Variants in RAB3IP observed in about 807,000 individuals in gnomAD.
RAB3IP encodes RAB3A interacting protein.
A neutral mutation model predicts 59.1 loss-of-function variants in RAB3IP; 36 were observed. The observed-to-expected ratio is 0.61, with a 90% CI of 0.47 to 0.80. The LOEUF (loss-of-function observed/expected upper bound fraction) is 0.80, where lower values mean the gene tolerates loss of function less well. RAB3IP is among the 30% of genes least tolerant of loss of function. The pLI, the probability that RAB3IP is intolerant of heterozygous loss-of-function variation, is 0.00. For synonymous variants in RAB3IP, 207 were observed against 191.2 expected, an observed-to-expected ratio of 1.08 and a Z score of -0.68; for missense variants, 511 against 536.0, an observed-to-expected ratio of 0.95 and a Z score of 0.46.
intron 3 of RAB3IP, among the ~76,000 whole-genome samples, chr12:69,772,198 A>G (rs919610325): frequency 1.3e-5 from 2 of 152,010 alleles, no homozygotes; most frequent in African/African-American, 4.8e-5. Flanking sequence ...TTTTGGCTTA[A>G]AGTCTGTTTT....
chr12:69,772,675 T>A (rs1344014669), intron 3 of RAB3IP, among the ~76,000 whole-genome samples: 1 of 152,242 alleles, frequency 6.6e-6, no homozygotes, highest in Non-Finnish European at 1.5e-5. Flanking sequence ...AAAGAAAACG[T>A]ACACTGTAAC....
chr12:69,796,305 T>C (rs868503403), intron 6 of RAB3IP: 8 of 163,692 alleles, frequency 4.9e-5, no homozygotes, highest in Non-Finnish European at 9.3e-5. Flanking sequence ...TGTCTCAAAA[T>C]CATAATAATA....
chr12:69,739,808 T>G, intron 1 of RAB3IP: 1 of 1,613,738 alleles, frequency 6.2e-7, no homozygotes, highest in Non-Finnish European at 8.5e-7. Flanking sequence ...GTGATGATGC[T>G]GGGTGGAAGT....
chr12:69,781,920 G>A (rs1223287908), intron 3 of RAB3IP, among the ~76,000 whole-genome samples: 1 of 152,242 alleles, frequency 6.6e-6, no homozygotes, highest in East Asian at 1.9e-4. Context: ...CATGATAAGA[G>A]TATGGTTAGC....
chr12:69,772,081 G>A (rs1226805536), intron 3 of RAB3IP, among the ~76,000 whole-genome samples: 1 of 152,016 alleles, frequency 6.6e-6, no homozygotes, highest in Admixed American at 6.6e-5. Flanking sequence ...ATCCTTTTAT[G>A]TCTATTAATA....
At chr12:69,775,359 C>T (rs928017112) in intron 3 of RAB3IP, among the ~76,000 whole-genome samples, 1 of 141,898 alleles carries the variant, frequency 7.0e-6, no homozygotes, top group Non-Finnish European at 1.5e-5. Context: ...CATCTGCAAA[C>T]AGGGACAATT....
At chr12:69,751,813 A>G (rs1170509299) in intron 1 of RAB3IP, among the ~76,000 whole-genome samples, 1 of 152,108 alleles carries the variant, frequency 6.6e-6, no homozygotes, top group Non-Finnish European at 1.5e-5. Flanking sequence ...CCATCTCAGT[A>G]CACAAGTTTA....
intron 3 of RAB3IP, among the ~76,000 whole-genome samples, chr12:69,764,243 C>T (rs1011269808): frequency 6.6e-6 from 1 of 151,966 alleles, no homozygotes; most frequent in African/African-American, 2.4e-5. Context: ...TGGCTTATTC[C>T]TAGGTTGTTT....
intron 4 of RAB3IP, among the ~76,000 whole-genome samples, chr12:69,790,904 A>G (rs965657398): frequency 6.6e-6 from 1 of 152,186 alleles, no homozygotes; most frequent in Non-Finnish European, 1.5e-5. Context: ...CTTGAGCAAG[A>G]AAAATAAAGC....
chr12:69,768,107 C>T (rs1872518532), intron 3 of RAB3IP, among the ~76,000 whole-genome samples: 1 of 152,102 alleles, frequency 6.6e-6, no homozygotes, highest in Admixed American at 6.5e-5. Context: ...TGCAGATCTG[C>T]TTGGGTGTGT....
In RAB3IP at chr12:69,801,629, G is replaced by C. The variant is rs1424941057; in HGVS notation, c.1038G>C (p.Glu346Asp). ...TTAAGTTGGCTTCAGCTGTTCTGGAGGCTGTGGAAAACAATACTCTAAGCA... is the reference window on the plus strand; with the variant it reads ...TTAAGTTGGCTTCAGCTGTTCTGGACGCTGTGGAAAACAATACTCTAAGCA... Reference protein sequence around the residue: ...SKSELASAVLEAVENNTLSIE... With the variant: ...SKSELASAVLDAVENNTLSIE... Residue 346 changes from glutamate to aspartate, a missense_variant, in exon 8 of 11, where the codon GAG becomes GAC. Transcript: ENST00000247833. 1 of 1,611,414 alleles carries C rather than the reference G, an allele frequency of 6.2e-7. No individual in the cohort carries two copies. Among genetic ancestry groups the C allele is most frequent in the Non-Finnish European group, 8.5e-7 (1 of 1,178,492 alleles).
intron 3 of RAB3IP, among the ~76,000 whole-genome samples, chr12:69,757,831 A>G (rs568082505): frequency 6.6e-6 from 1 of 152,354 alleles, no homozygotes; most frequent in African/African-American, 2.4e-5. Flanking sequence ...TTAAAATCAC[A>G]CATTATATAG....
rs1377187553 is a variant in RAB3IP, at chr12:69,755,622, C to A, written c.214C>A (p.Pro72Thr). The change falls in exon 2 of 11, where the codon CCC (proline) becomes ACC (threonine). Residue 72 changes from proline (P) to threonine (T), a missense_variant. By Grantham distance (38) the Pro-to-Thr change is conservative. Coordinates refer to ENST00000247833, the MANE Select transcript of RAB3IP (RefSeq NM_022456.5). ...TCCTACACAACCCGTGTATTCATCC[C>A]CCAGACGTTTAAATTGTGCGGAAAT... ...ELPTQPVYSS[P>T]RRLNCAEISS... 4 of 1,613,658 alleles carry A rather than the reference C, an allele frequency of 2.5e-6. No individual in the cohort carries two copies. The highest frequency in any genetic ancestry group is 4.5e-5 in the East Asian group (2 of 44,884).
rs1870120650 is a variant in RAB3IP, at chr12:69,755,794, A to T, written c.251+135A>T. On this transcript the variant is annotated intron_variant, in intron 2 of 10. Coordinates refer to ENST00000247833, the MANE Select transcript of RAB3IP (RefSeq NM_022456.5). ...CCTAGGTAAAGAAATACATGACCTG[A>T]TAATGTTCTAGAACAGGGTTGACAA... 3 of 704,648 alleles carry T rather than the reference A, an allele frequency of 4.3e-6. No individual in the cohort carries two copies. In the East Asian group the frequency reaches 8.2e-5, roughly 19 times the overall value. The allele number at this position is 704,648 out of a possible 1,614,324, so 43.6% of individuals were successfully genotyped here. A position where few individuals can be genotyped will look rare whatever the true frequency, so the allele number is the denominator to read the frequency against.
chr12:69,743,009 G>C (rs948139207), intron 1 of RAB3IP, among the ~76,000 whole-genome samples: 3 of 152,220 alleles, frequency 2.0e-5, no homozygotes, highest in Non-Finnish European at 4.4e-5. Flanking sequence ...GTCGTTAACA[G>C]TAGGATTGTA....
At chr12:69,801,575 G>GT (rs1483700847) in intron 7 of RAB3IP, 34 bp from the exon 8 acceptor site, 5 of 1,125,784 alleles carry the variant, frequency 4.4e-6, no homozygotes, top group African/African-American at 1.6e-5. Flanking sequence ...TTTTCTGCCA[G>GT]TATAGCATCT....
intron 4 of RAB3IP, among the ~76,000 whole-genome samples, chr12:69,789,650 A>G (rs1352638478): frequency 6.6e-6 from 1 of 152,172 alleles, no homozygotes; most frequent in Non-Finnish European, 1.5e-5. Flanking sequence ...ACTATGGGCC[A>G]ATATTCTCAA....
chr12:69,813,815 C>T (rs1307440420), intron 10 of RAB3IP, among the ~76,000 whole-genome samples: 2 of 152,096 alleles, frequency 1.3e-5, no homozygotes, highest in Non-Finnish European at 2.9e-5. Flanking sequence ...CTTGCTTAAA[C>T]ACTGGTAGAA....
chr12:69,751,972 TA>T (rs1869388462), intron 1 of RAB3IP, among the ~76,000 whole-genome samples: 1 of 151,558 alleles, frequency 6.6e-6, no homozygotes, highest in Admixed American at 6.6e-5. Flanking sequence ...CTTCTATAGG[TA>T]ACCATTTTGC....
Sources: gnomAD v4.1 joint callset for allele counts (sites outside exome capture counted in the v4.1 genomes callset) on GRCh38, gnomAD v4.1.1 for gene constraint, MANE v1.5 for transcripts, NCBI Gene and HGNC (gene_info 2026-07-23, HGNC 2026-07-21) for gene names.